CES4A: variants seen among roughly 807,000 people sequenced by gnomAD.
CES4A encodes the protein carboxylesterase 6.
A neutral mutation model predicts 65.4 loss-of-function variants in CES4A; 48 were observed. The ratio of observed to expected loss-of-function variants is 0.73; its 90% CI spans 0.58 to 0.93. The LOEUF (loss-of-function observed/expected upper bound fraction) is 0.93. CES4A is among the 40% of genes least tolerant of loss of function. The pLI is 0.00. For missense variants in CES4A, 685 were observed against 728.5 expected (o/e 0.94, Z 0.69); for synonymous variants, 247 against 281.8 (o/e 0.88, Z 1.24).
chr16:67,005,626 C>T (rs1043026940), intron 11 of CES4A: 3 of 462,588 alleles, frequency 6.5e-6, no homozygotes, highest in African/African-American at 4.0e-5. Flanking sequence ...GTGGGTGGAT[C>T]ATTTGAGGCC....
At position 67,003,581 on chromosome 16, in the gene CES4A, G is replaced by T; in HGVS notation, c.939+28G>T. ...AAACAGGCCACATTCTGCAATTTGAGTATTTATTTAACACCTACTTTGTGC... is the reference window on the plus strand; with the variant it reads ...AAACAGGCCACATTCTGCAATTTGATTATTTATTTAACACCTACTTTGTGC... On this transcript the variant is annotated intron_variant, in intron 8 of 13. Coordinates refer to ENST00000648724, the Ensembl canonical transcript of CES4A. This position sits in a 1 kb window ranked among gnomAD's most constrained non-coding sequence, Gnocchi z 4.2. The T allele has an allele frequency of 6.3e-7, 1 of 1,594,488 alleles. No homozygotes were observed. Among genetic ancestry groups the T allele is most frequent in the Non-Finnish European group, 8.6e-7 (1 of 1,162,302 alleles).
chr16:66,990,168 C>T (rs1235434887), intron 1 of CES4A, among the ~76,000 whole-genome samples: 2 of 151,506 alleles, frequency 1.3e-5, no homozygotes, highest in Admixed American at 1.3e-4. Flanking sequence ...CTCCCCACCT[C>T]AGCCTCCCAA....
chr16:66,991,090 T>A (rs1964353877), intron 1 of CES4A, among the ~76,000 whole-genome samples: 1 of 152,158 alleles, frequency 6.6e-6, no homozygotes, highest in South Asian at 2.1e-4. Context: ...AGTGATGCGA[T>A]CTTGGCTCAC....
intron 2 of CES4A, 40 bp downstream of exon 2, chr16:66,995,869 G>A: frequency 1.3e-6 from 2 of 1,555,552 alleles, no homozygotes; most frequent in Non-Finnish European, 1.8e-6. Context: ...GGGGCAATGG[G>A]CCTATGCCTG....
At chr16:66,994,584 A>G (rs1225408120) in intron 1 of CES4A, among the ~76,000 whole-genome samples, 16 of 151,272 alleles carry the variant, frequency 1.1e-4, no homozygotes, top group East Asian at 8.1e-4. Context: ...GCTCATGCCT[A>G]TAATCCCAGC....
rs578121407 is a variant in CES4A, at chr16:67,001,773, C to T, written c.690+312C>T. 3.3e-5 allele frequency among the ~76,000 whole-genome samples: 5 copies of T among 152,390 alleles called. No individual in the cohort carries two copies. The East Asian group carries it at 9.6e-4, about 29-fold the overall frequency. ...CCAGAACTCTATCCCCTGAACAGAGCCCACCATCTGCCCCCTGGGCAAGGC... is the reference window on the plus strand; with the variant it reads ...CCAGAACTCTATCCCCTGAACAGAGTCCACCATCTGCCCCCTGGGCAAGGC... On this transcript the variant is annotated intron_variant, in intron 5 of 13. Transcript: ENST00000648724. The surrounding 1 kb of genome is among the most constrained non-coding windows in gnomAD (Gnocchi z 4.1).
chr16:67,001,430 A>T lies in CES4A; in HGVS notation c.659A>T (p.Gln220Leu), dbSNP rs1357177667. ...CCAGGAAATGTGACCCTGTTCGGCCAGTCGGCGGGGGCCATGAGCATCTCA... is the reference window on the plus strand; with the variant it reads ...CCAGGAAATGTGACCCTGTTCGGCCTGTCGGCGGGGGCCATGAGCATCTCA... The change falls in exon 5 of 14, where the codon CAG becomes CTG. Residue 220 changes from glutamine (Q) to leucine (L), a missense_variant. Coordinates refer to ENST00000648724, the Ensembl canonical transcript of CES4A. The surrounding 1 kb of genome is among the most constrained non-coding windows in gnomAD (Gnocchi z 4.1). The T allele has an allele frequency of 1.2e-6, 2 of 1,612,408 alleles. No homozygotes were observed. Among genetic ancestry groups the T allele is most frequent in the East Asian group, 2.2e-5 (1 of 44,840 alleles).
At chr16:66,992,976 G>C (rs563964786) in intron 1 of CES4A, among the ~76,000 whole-genome samples, 2 of 152,082 alleles carry the variant, frequency 1.3e-5, no homozygotes, top group Non-Finnish European at 2.9e-5. Flanking sequence ...GTGAGCCACC[G>C]TGCCCAGCCC....
rs1346044033 is a variant in CES4A, at chr16:67,001,699, A to C, written c.690+238A>C. Among the ~76,000 whole-genome samples, 8 of 152,224 alleles carry C rather than the reference A, an allele frequency of 5.3e-5. No individual in the cohort carries two copies. The highest frequency in any genetic ancestry group is 5.2e-4 in the Admixed American group (8 of 15,286). On this transcript the variant is annotated intron_variant, in intron 5 of 13. Coordinates refer to ENST00000648724, the Ensembl canonical transcript of CES4A. This position sits in a 1 kb window ranked among gnomAD's most constrained non-coding sequence, Gnocchi z 4.1. ...AAGGGTAGTGCTGAGGCTTGGGGTAATCAGTGAATCCAGGTGCTACCCAGC... is the reference window on the plus strand; with the variant it reads ...AAGGGTAGTGCTGAGGCTTGGGGTACTCAGTGAATCCAGGTGCTACCCAGC...
chr16:67,000,541 A>T lies in CES4A; in HGVS notation c.261-97A>T. ...TGCGCACGCACACGCACGCGCACAG[A>T]CGCTGCCTGGATTTTGCTTTGGGTT... On this transcript the variant is annotated intron_variant, in intron 2 of 13. Coordinates refer to ENST00000648724, the Ensembl canonical transcript of CES4A. The surrounding 1 kb of genome is among the most constrained non-coding windows in gnomAD (Gnocchi z 4.2). 6.8e-7 allele frequency: 1 copy of T among 1,474,688 alleles called. No individual in the cohort carries two copies. The highest frequency in any genetic ancestry group is 9.0e-7 in the Non-Finnish European group (1 of 1,107,898). The allele number at this position is 1,474,688 out of a possible 1,614,324, so 91.4% of individuals were successfully genotyped here. A position where few individuals can be genotyped will look rare whatever the true frequency, so the allele number is the denominator to read the frequency against.
At chr16:66,993,928 T>C (rs549282919) in intron 1 of CES4A, among the ~76,000 whole-genome samples, 3,326 of 151,408 alleles carry the variant, frequency 0.022, 58 homozygotes, top group Non-Finnish European at 0.031. Flanking sequence ...GGTGAAACCG[T>C]GTCTCTACTA....
rs1376347153 is a variant in CES4A at position 67,003,199 on chromosome 16, C to G, written c.795+25C>G. The G allele has an allele frequency of 6.2e-7, 1 of 1,610,690 alleles. No homozygotes were observed. The highest frequency in any genetic ancestry group is 1.3e-5 in the African/African-American group (1 of 74,942). On this transcript the variant is annotated intron_variant, in intron 6 of 13. Coordinates refer to ENST00000648724, the Ensembl canonical transcript of CES4A. This position sits in a 1 kb window ranked among gnomAD's most constrained non-coding sequence, Gnocchi z 4.2. ...GGTGAGTGCCTCTCCTTCCCCAGGG[C>G]TCAGCATGGAAGGGCAGGATGGAAG... is the stretch of plus-strand genomic sequence containing the variant.
rs571940620 is a variant in CES4A at position 67,004,366 on chromosome 16, C to A, written c.1080+142C>A. ...CTGTGGATGCCCTATGTTTGGGAGC[C>A]TCCTGTAGTCCCTGTACAGTGAAAA... On this transcript the variant is annotated intron_variant, in intron 9 of 13. Transcript: ENST00000648724. 2.1e-5 allele frequency: 18 copies of A among 855,442 alleles called. No individual in the cohort carries two copies. In the African/African-American group the frequency reaches 2.7e-4, roughly 13 times the overall value. The allele number at this position is 855,442 out of a possible 1,614,324, so 53.0% of individuals were successfully genotyped here.
chr16:66,992,052 TC>T (rs1170447706), intron 1 of CES4A, among the ~76,000 whole-genome samples: 1 of 152,252 alleles, frequency 6.6e-6, no homozygotes, highest in African/African-American at 2.4e-5. Context: ...TATTGGCTAT[TC>T]CACCATGAGT....
At chr16:67,004,945 C>A in intron 10 of CES4A, 72 bp downstream of exon 10, 1 of 1,201,242 alleles carries the variant, frequency 8.3e-7, no homozygotes, top group Non-Finnish European at 1.2e-6. Context: ...AACCTAGTAG[C>A]TGCTCTTTGC....
intron 2 of CES4A, among the ~76,000 whole-genome samples, chr16:66,999,102 C>T (rs887026219): frequency 6.6e-6 from 1 of 152,204 alleles, no homozygotes; most frequent in Non-Finnish European, 1.5e-5. Context: ...GTTTACTAGA[C>T]AGCATTCTAA....
Position 67,001,853 on chromosome 16 carries a change from CT to C in CES4A, c.690+393del, listed in dbSNP as rs1404821906. Among the ~76,000 whole-genome samples the C allele has an allele frequency of 6.6e-6, 1 of 152,276 alleles. No individual in the cohort carries two copies. The highest frequency in any genetic ancestry group is 1.5e-5 in the Non-Finnish European group (1 of 68,052). ...GGGCATGAGTTGACGGGCTTTGCCC[CT>C]GACTCCTGTGTGACTGCTGACCTGG... On this transcript the variant is annotated intron_variant, in intron 5 of 13. Coordinates refer to ENST00000648724, the Ensembl canonical transcript of CES4A. The surrounding 1 kb of genome is among the most constrained non-coding windows in gnomAD (Gnocchi z 4.1).
At chr16:66,993,436 G>A (rs1052829848) in intron 1 of CES4A, among the ~76,000 whole-genome samples, 2 of 151,916 alleles carry the variant, frequency 1.3e-5, no homozygotes, top group South Asian at 2.1e-4. Context: ...TCCGCCTCCC[G>A]GGTTCAAGCG....
chr16:66,996,543 C>A (rs181988725), intron 2 of CES4A, among the ~76,000 whole-genome samples: 4 of 152,288 alleles, frequency 2.6e-5, no homozygotes, highest in Admixed American at 2.0e-4. Context: ...ACAATGACTG[C>A]CCTTTGAAGC....
Sources: allele counts gnomAD v4.1 joint callset (sites outside exome capture counted in the v4.1 genomes callset), GRCh38; gene constraint gnomAD v4.1.1; non-coding constraint Gnocchi (gnomAD v3.1); transcripts MANE v1.5; gene names NCBI Gene and HGNC (gene_info 2026-07-23, HGNC 2026-07-21).